LRRC8A: variants seen among roughly 807,000 people sequenced by gnomAD.
The protein encoded by LRRC8A is leucine rich repeat containing 8 VRAC subunit A.
LRRC8A carries 24 observed loss-of-function variants against 52.5 expected under a neutral mutation model. The ratio of observed to expected loss-of-function variants is 0.46; its 90% confidence interval spans 0.33 to 0.64. LRRC8A has a LOEUF of 0.64. Among genes scored for constraint, LRRC8A ranks in the 30% least tolerant of loss-of-function variants. The pLI is 0.02. For missense variants in LRRC8A, 677 were observed against 1,094.7 expected, an observed-to-expected ratio of 0.62 and a Z score of 5.38; for synonymous variants, 492 against 494.2, an observed-to-expected ratio of 1.00 and a Z score of 0.06.
chr9:128,903,412 C>G (rs921731100), intron 2 of LRRC8A, among the ~76,000 whole-genome samples: 2 of 132,464 alleles, frequency 1.5e-5, no homozygotes, highest in Admixed American at 1.5e-4. Context: ...AGGTGCTGTT[C>G]TTTTTTTTTT....
At chr9:128,894,471 G>C (rs1469927120) in intron 2 of LRRC8A, among the ~76,000 whole-genome samples, 1 of 148,324 alleles carries the variant, frequency 6.7e-6, no homozygotes, top group Non-Finnish European at 1.5e-5. Flanking sequence ...GCAACAGAGT[G>C]AGACTCCATC....
At chr9:128,883,063 T>C (rs995670840) in intron 1 of LRRC8A, among the ~76,000 whole-genome samples, 4 of 152,168 alleles carry the variant, frequency 2.6e-5, no homozygotes, top group Non-Finnish European at 1.5e-5. Flanking sequence ...GCTGTTGCGA[T>C]TGTTGCCTTT....
At chr9:128,914,499 G>C (rs1840718845) in intron 3 of LRRC8A, among the ~76,000 whole-genome samples, 1 of 152,208 alleles carries the variant, frequency 6.6e-6, no homozygotes, top group African/African-American at 2.4e-5. Flanking sequence ...TTTGGCAGAA[G>C]GGAAATACAG....
chr9:128,886,960 A>G (rs1227092576), intron 2 of LRRC8A, among the ~76,000 whole-genome samples: 2 of 152,220 alleles, frequency 1.3e-5, no homozygotes, highest in Admixed American at 1.3e-4. Flanking sequence ...AGGCAAGGAC[A>G]TGCGGCTTGA....
At chr9:128,883,562 G>A (rs1839231055) in intron 1 of LRRC8A, among the ~76,000 whole-genome samples, 2 of 152,222 alleles carry the variant, frequency 1.3e-5, no homozygotes, top group African/African-American at 4.8e-5. Context: ...GGAGGCTGTT[G>A]TGGACATGCC....
chr9:128,886,342 C>G (rs1453744444), intron 2 of LRRC8A, among the ~76,000 whole-genome samples: 2 of 152,210 alleles, frequency 1.3e-5, no homozygotes, highest in Admixed American at 6.6e-5. Context: ...TGTTTCATTG[C>G]AAACCTCTGT....
rs200499695 is a variant in LRRC8A, at chr9:128,908,315, C to T, written c.1151C>T (p.Pro384Leu). 5.0e-6 allele frequency: 8 copies of T among 1,614,102 alleles called. No individual in the cohort carries two copies. Among genetic ancestry groups the T allele is most frequent in the Admixed American group, 1.7e-5 (1 of 60,018 alleles). Residue 384 changes from proline to leucine, a missense_variant, in exon 3 of 4, where the codon CCG (proline) becomes CTG (leucine). By Grantham distance (98) the Pro-to-Leu change is moderately conservative. Transcript: ENST00000372600. ...FMLHLIDQYD[P>L]LYSKRFAVFL... is the part of the protein sequence containing the mutation. Reference sequence around the variant, plus strand: ...CTGCACCTCATTGACCAATACGACCCGCTCTACTCCAAGCGCTTCGCCGTC... The same window carrying T: ...CTGCACCTCATTGACCAATACGACCTGCTCTACTCCAAGCGCTTCGCCGTC...
chr9:128,905,364 A>G lies in LRRC8A; in HGVS notation c.-8-1793A>G, dbSNP rs577311879. On this transcript the variant is annotated intron_variant, in intron 2 of 3. Transcript: ENST00000372600. ...AGTACCTTATCCCTCCGTGACAGCC[A>G]TACGTCTTTCATTGTAAGAGCAACC... Among the ~76,000 whole-genome samples the G allele has an allele frequency of 2.6e-5, 4 of 152,286 alleles. No individual in the cohort carries two copies. In the East Asian group the frequency reaches 7.7e-4, roughly 29 times the overall value.
Position 128,916,539 on chromosome 9 carries a change from TG to T in LRRC8A, c.*172del. On this transcript the variant is annotated 3_prime_UTR_variant, in exon 4 of 4. Coordinates refer to ENST00000372600, the MANE Select transcript of LRRC8A (RefSeq NM_019594.4). This position sits in a 1 kb window ranked among gnomAD's most constrained non-coding sequence, Gnocchi z 6.1. Reference sequence around the variant, plus strand: ...GGCCAGAGCGAGAGGACAGTATCTGTGGGGCTGGCCCCTTTTCTCCCTCTGA... The same window carrying T: ...GGCCAGAGCGAGAGGACAGTATCTGTGGGCTGGCCCCTTTTCTCCCTCTGA... 1.2e-6 allele frequency: 1 copy of T among 846,988 alleles called. No homozygotes were observed. Among genetic ancestry groups the T allele is most frequent in the South Asian group, 1.9e-5 (1 of 53,928 alleles). The allele number at this position is 846,988 out of a possible 1,614,324, so 52.5% of individuals were successfully genotyped here. A position where few individuals can be genotyped will look rare whatever the true frequency, so the allele number is the denominator to read the frequency against.
intron 3 of LRRC8A, among the ~76,000 whole-genome samples, chr9:128,913,970 C>T (rs1416029624): frequency 6.6e-6 from 1 of 152,118 alleles, no homozygotes; most frequent in African/African-American, 2.4e-5. Flanking sequence ...TTTGGGAGGC[C>T]GAGGCGGGCA....
At position 128,907,389 on chromosome 9, in the gene LRRC8A, T is replaced by C. The variant is rs1840296516; in HGVS notation, c.225T>C (p.Pro75=). ...CNDSFRGWAA[P]GPEPTYPNST... is the part of the protein sequence containing the mutation. ...ATTCGTTCCGGGGCTGGGCAGCCCC[T>C]GGCCCGGAGCCCACCTACCCCAACT... is the stretch of plus-strand genomic sequence containing the variant. The change falls in exon 3 of 4, where the codon CCT becomes CCC. Residue 75 remains proline, a synonymous_variant. Transcript: ENST00000372600. The surrounding 1 kb of genome is among the most constrained non-coding windows in gnomAD (Gnocchi z 9.3). 1.9e-6 allele frequency: 3 copies of C among 1,613,460 alleles called. No individual in the cohort carries two copies. Among genetic ancestry groups the C allele is most frequent in the Non-Finnish European group, 2.5e-6 (3 of 1,180,002 alleles).
chr9:128,895,670 A>G (rs1041267488), intron 2 of LRRC8A, among the ~76,000 whole-genome samples: 5 of 152,230 alleles, frequency 3.3e-5, no homozygotes, highest in Middle Eastern at 3.4e-3. Flanking sequence ...CCCTGGGGGC[A>G]GGGCAGGACC....
intron 1 of LRRC8A, among the ~76,000 whole-genome samples, chr9:128,884,606 T>A (rs115050539): frequency 0.02 from 3,099 of 151,846 alleles, 113 homozygotes; most frequent in African/African-American, 0.071. Flanking sequence ...TAGCTCTGGG[T>A]GGTTATGTAG....
At chr9:128,903,797 G>A (rs1335086822) in intron 2 of LRRC8A, among the ~76,000 whole-genome samples, 1 of 152,048 alleles carries the variant, frequency 6.6e-6, no homozygotes, top group African/African-American at 2.4e-5. Context: ...GGAGGCCAAG[G>A]CAGGTGGATT....
chr9:128,899,185 G>A lies in LRRC8A; in HGVS notation c.-8-7972G>A, dbSNP rs988589793. On this transcript the variant is annotated intron_variant, in intron 2 of 3. Coordinates refer to ENST00000372600, the MANE Select transcript of LRRC8A (RefSeq NM_019594.4). This position sits in a 1 kb window ranked among gnomAD's most constrained non-coding sequence, Gnocchi z 4.0. ...CAGGTTTGCTGCTCCTTTCTATACAGGGAAACTGAGGCCCTGGGAGAGAAG... is the reference window on the plus strand; with the variant it reads ...CAGGTTTGCTGCTCCTTTCTATACAAGGAAACTGAGGCCCTGGGAGAGAAG... Among the ~76,000 whole-genome samples, 1 of 152,204 alleles carries A rather than the reference G, an allele frequency of 6.6e-6. No homozygotes were observed. Among genetic ancestry groups the A allele is most frequent in the African/African-American group, 2.4e-5 (1 of 41,440 alleles).
chr9:128,901,902 A>C (rs1840041532), intron 2 of LRRC8A, among the ~76,000 whole-genome samples: 1 of 152,114 alleles, frequency 6.6e-6, no homozygotes, highest in Non-Finnish European at 1.5e-5. Flanking sequence ...TGGTGCCTGC[A>C]CCCTCTTTCC....
At chr9:128,909,372 A>G (rs1358004006) in intron 3 of LRRC8A, 51 bp downstream of exon 3, 18 of 1,567,770 alleles carry the variant, frequency 1.1e-5, no homozygotes, top group Non-Finnish European at 1.4e-5. Flanking sequence ...TGGCCTGGCC[A>G]GGGCTTGTGG....
chr9:128,914,990 T>G (rs1840744970), intron 3 of LRRC8A, among the ~76,000 whole-genome samples: 2 of 152,194 alleles, frequency 1.3e-5, no homozygotes, highest in Admixed American at 1.3e-4. Context: ...CTCCATCACT[T>G]ACCAGCTGAA....
chr9:128,891,430 C>T (rs901577456), intron 2 of LRRC8A, among the ~76,000 whole-genome samples: 1 of 152,110 alleles, frequency 6.6e-6, no homozygotes, highest in African/African-American at 2.4e-5. Flanking sequence ...GGTGTGGTGG[C>T]ACATGCCTGT....
Sources: allele counts gnomAD v4.1 joint callset (sites outside exome capture counted in the v4.1 genomes callset), GRCh38; gene constraint gnomAD v4.1.1; non-coding constraint Gnocchi (gnomAD v3.1); transcripts MANE v1.5; gene names NCBI Gene and HGNC (gene_info 2026-07-23, HGNC 2026-07-21).